Variants in FGF12 observed in about 807,000 individuals in gnomAD.
FGF12 encodes fibroblast growth factor 12B.
Under a neutral mutation model 23.6 loss-of-function variants are expected in FGF12, and 14 were observed. The ratio of observed to expected loss-of-function variants is 0.59; its 90% CI spans 0.39 to 0.93. FGF12 has a LOEUF of 0.93. FGF12 is among the 40% of genes least tolerant of loss of function. FGF12 has a pLI of 0.00. For synonymous variants in FGF12, 62 were observed against 77.3 expected (o/e 0.80, Z 1.04); for missense variants, 175 against 217.8 (o/e 0.80, Z 1.24).
intron 4 of FGF12, among the ~76,000 whole-genome samples, chr3:192,246,950 G>A (rs201914111): frequency 1.6e-5 from 2 of 126,548 alleles, no homozygotes; most frequent in Admixed American, 1.7e-4. Context: ...GAAAGAAAAA[G>A]AAAAGGAAAG....
intron 4 of FGF12, among the ~76,000 whole-genome samples, chr3:192,247,023 GGGAAGGAAAGAAGGAA>G (rs1711640583): frequency 4.6e-5 from 6 of 130,054 alleles, no homozygotes; most frequent in African/African-American, 8.4e-5. Flanking sequence ...AAGGGAGGGA[GGGAAGGAAAGAAGGAA>G]GGAAGGAAGG....
At chr3:192,663,957 CA>C (rs1458775817) in intron 2 of FGF12, among the ~76,000 whole-genome samples, 4 of 152,144 alleles carry the variant, frequency 2.6e-5, no homozygotes, top group Admixed American at 6.5e-5. Flanking sequence ...ATAGTATCCC[CA>C]TGTTAGATAA....
intron 2 of FGF12, among the ~76,000 whole-genome samples, chr3:192,474,667 C>G (rs1723266585): frequency 6.6e-6 from 1 of 152,068 alleles, no homozygotes; most frequent in South Asian, 2.1e-4. Flanking sequence ...GGGTGGATCA[C>G]CTGAGGTCAG....
chr3:192,518,031 C>T (rs1577032510), intron 2 of FGF12, among the ~76,000 whole-genome samples: 1 of 152,056 alleles, frequency 6.6e-6, no homozygotes, highest in Non-Finnish European at 1.5e-5. Context: ...TTAGTTTGAA[C>T]AAGAACATTC....
chr3:192,537,780 C>T (rs1025459805), intron 2 of FGF12, among the ~76,000 whole-genome samples: 6 of 152,038 alleles, frequency 3.9e-5, no homozygotes, highest in Admixed American at 1.3e-4. Flanking sequence ...CTTCACTTTG[C>T]AGAAGGTTTT....
chr3:192,361,829 T>C lies in FGF12; in HGVS notation c.14-1291A>G, dbSNP rs1718742453. 8.5e-5 allele frequency among the ~76,000 whole-genome samples: 13 copies of C among 152,262 alleles called. No individual in the cohort carries two copies. In the South Asian group the frequency reaches 2.7e-3, roughly 32 times the overall value. ...CACATTATTTGGGAATATGGGGCAA[T>C]GCCTCTATCAACACATCTTTTTCAA... On this transcript the variant is annotated intron_variant, in intron 2 of 5. Coordinates refer to ENST00000445105, the MANE Select transcript of FGF12 (RefSeq NM_004113.6).
At chr3:192,248,985 T>A (rs1337158002) in intron 4 of FGF12, among the ~76,000 whole-genome samples, 1 of 152,150 alleles carries the variant, frequency 6.6e-6, no homozygotes, top group East Asian at 1.9e-4. Context: ...ACAACTGTTT[T>A]GGCGCTCAAA....
chr3:192,261,886 T>C (rs1047508463), intron 4 of FGF12, among the ~76,000 whole-genome samples: 1 of 152,120 alleles, frequency 6.6e-6, no homozygotes, highest in Non-Finnish European at 1.5e-5. Flanking sequence ...ATAGTAGTAG[T>C]AGCCCATGAA....
chr3:192,148,867 G>A, intron 5 of FGF12, among the ~76,000 whole-genome samples: 1 of 152,198 alleles, frequency 6.6e-6, no homozygotes, highest in East Asian at 1.9e-4. Context: ...GTGCTGCCTA[G>A]TATAGCATCC....
At chr3:192,512,541 T>C (rs1249097515) in intron 2 of FGF12, among the ~76,000 whole-genome samples, 5 of 151,962 alleles carry the variant, frequency 3.3e-5, no homozygotes, top group African/African-American at 1.2e-4. Context: ...ACCATTATTA[T>C]AGTAATTTAC....
At chr3:192,727,049 T>A in intron 2 of FGF12, 132 bp downstream of exon 2, 3 of 1,140,960 alleles carry the variant, frequency 2.6e-6, no homozygotes, top group Middle Eastern at 2.1e-4. Flanking sequence ...AGTGCTGCAA[T>A]GGACATAGCA....
At chr3:192,471,274 T>C (rs1723166578) in intron 2 of FGF12, among the ~76,000 whole-genome samples, 1 of 152,216 alleles carries the variant, frequency 6.6e-6, no homozygotes, top group African/African-American at 2.4e-5. Context: ...ATTTCTATTC[T>C]TAGCTTTAGG....
At chr3:192,403,884 T>TA (rs1341607048) in intron 2 of FGF12, among the ~76,000 whole-genome samples, 1 of 152,176 alleles carries the variant, frequency 6.6e-6, no homozygotes, top group Non-Finnish European at 1.5e-5. Context: ...AGTATACTGT[T>TA]AAACACTGTG....
Position 192,340,517 on chromosome 3 carries a change from A to G in FGF12, c.125-5053T>C, listed in dbSNP as rs1717639559. ...ATTATATGCCAAATAGAGTCCAAGT[A>G]TTTAATCTGACATTCAAAGATCTTC... On this transcript the variant is annotated intron_variant, in intron 3 of 5. Transcript: ENST00000445105. 1.3e-5 allele frequency among the ~76,000 whole-genome samples: 2 copies of G among 152,206 alleles called. 1 individual carries two copies.
At chr3:192,575,087 A>G (rs1198934785) in intron 2 of FGF12, among the ~76,000 whole-genome samples, 1 of 152,240 alleles carries the variant, frequency 6.6e-6, no homozygotes, top group Admixed American at 6.5e-5. Context: ...TATATATAAC[A>G]TGCTTTAAAA....
rs764710938 is a variant in FGF12 at position 192,442,808 on chromosome 3, C to CTTTTTT, written c.14-82276_14-82271dup. Among the ~76,000 whole-genome samples the CTTTTTT allele has an allele frequency of 1.4e-5, 2 of 139,752 alleles. 1 individual carries two copies. Among genetic ancestry groups the CTTTTTT allele is most frequent in the Non-Finnish European group, 3.1e-5 (2 of 63,858 alleles). 91.7% of individuals were successfully genotyped at this position (139,752 alleles called of 152,430 possible). On this transcript the variant is annotated intron_variant, in intron 2 of 5. Coordinates refer to ENST00000445105, the MANE Select transcript of FGF12 (RefSeq NM_004113.6). ...GAAATGGGAGCCACATGTATTCTAT[C>CTTTTTT]TTTTTTTTTTTTTTTTTGAGACAGA... is the stretch of plus-strand genomic sequence containing the variant.
chr3:192,681,313 G>A (rs1329683824), intron 2 of FGF12, among the ~76,000 whole-genome samples: 1 of 152,170 alleles, frequency 6.6e-6, no homozygotes, highest in Admixed American at 6.5e-5. Context: ...CCTTAGGAAT[G>A]ACTAAGTTTC....
intron 2 of FGF12, among the ~76,000 whole-genome samples, chr3:192,681,823 C>A (rs12696657): frequency 0.41 from 61,703 of 151,758 alleles, 12,900 homozygotes; most frequent in East Asian, 0.63. Flanking sequence ...ATCTAGTCAG[C>A]CAACACCTAC....
chr3:192,323,979 C>T (rs1357520778), intron 4 of FGF12, among the ~76,000 whole-genome samples: 1 of 151,942 alleles, frequency 6.6e-6, no homozygotes, highest in Non-Finnish European at 1.5e-5. Context: ...GTAGTCCCTG[C>T]TACTTGGGAG....
Sources: allele counts gnomAD v4.1 joint callset (sites outside exome capture counted in the v4.1 genomes callset), GRCh38; gene constraint gnomAD v4.1.1; transcripts MANE v1.5; gene names NCBI Gene and HGNC (gene_info 2026-07-23, HGNC 2026-07-21).